Variants in MGAT4D observed in about 807,000 individuals in gnomAD.
MGAT4D encodes alpha-1,3-mannosyl-glycoprotein 4-beta-N-acetylglucosaminyltransferase-like protein MGAT4D.
A neutral mutation model predicts 15.9 loss-of-function variants in MGAT4D; 34 were observed. The observed-to-expected ratio is 2.14, with a 90% CI of 1.62 to 2.84. MGAT4D has a LOEUF of 2.84. MGAT4D is among the 30% of genes most tolerant of loss of function. The pLI, the probability that MGAT4D is intolerant of heterozygous loss-of-function variation, is 0.00. For missense variants in MGAT4D, 327 were observed against 140.2 expected, an observed-to-expected ratio of 2.33 and a Z score of -6.73; for synonymous variants, 112 against 48.2, an observed-to-expected ratio of 2.33 and a Z score of -5.49.
In MGAT4D at chr4:140,442,470, T is replaced by A. The variant is rs1468396328; in HGVS notation, c.*966A>T. The A allele has an allele frequency of 6.6e-6, 1 of 152,128 alleles. No individual in the cohort carries two copies. Among genetic ancestry groups the A allele is most frequent in the Non-Finnish European group, 1.5e-5 (1 of 68,000 alleles). The allele number at this position is 152,128 out of a possible 1,614,324, so 9.4% of individuals were successfully genotyped here. A position where few individuals can be genotyped will look rare whatever the true frequency, so the allele number is the denominator to read the frequency against. ...TAACATCAAGAAGAAAAATAGATTT[T>A]AATGGGCCCCTGTAGAAACTGATGG... is the stretch of plus-strand genomic sequence containing the variant. On this transcript the variant is annotated 3_prime_UTR_variant, in exon 11 of 11. Coordinates refer to ENST00000511113, the MANE Select transcript of MGAT4D (RefSeq NM_001277353.2).
chr4:140,495,165 G>A (rs766477360), intron 1 of MGAT4D, among the ~76,000 whole-genome samples: 2 of 152,062 alleles, frequency 1.3e-5, no homozygotes, highest in Admixed American at 6.6e-5. Context: ...AGATTCCACC[G>A]CAGGGCCTTT....
intron 8 of MGAT4D, chr4:140,457,667 A>G (rs1033673652): frequency 7.2e-5 from 11 of 152,322 alleles, no homozygotes; most frequent in Non-Finnish European, 1.6e-4. Flanking sequence ...AAGATTTGGC[A>G]TCCCATAAAT....
Position 140,459,642 on chromosome 4 carries a change from CA to C in MGAT4D, c.763-17del. On this transcript the variant is annotated splice_polypyrimidine_tract_variant and intron_variant, in intron 7 of 10. Transcript: ENST00000511113. ...CATCTTCTAGCTGAAAAAAAAAACC[CA>C]AAAAGACATTAATATCTTTGACGCT... is the stretch of plus-strand genomic sequence containing the variant. 2.3e-6 allele frequency: 1 copy of C among 431,296 alleles called. No homozygotes were observed. The highest frequency in any genetic ancestry group is 4.1e-6 in the Non-Finnish European group (1 of 242,536). The allele number at this position is 431,296 out of a possible 1,614,324, so 26.7% of individuals were successfully genotyped here.
intron 8 of MGAT4D, 107 bp downstream of exon 8, chr4:140,459,405 T>C: frequency 5.6e-6 from 2 of 359,654 alleles, no homozygotes; most frequent in East Asian, 3.9e-5. Context: ...ATAAAAATCA[T>C]GCCATTCTTT....
At chr4:140,491,202 G>C (rs190103028) in intron 1 of MGAT4D, among the ~76,000 whole-genome samples, 1 of 152,086 alleles carries the variant, frequency 6.6e-6, no homozygotes, top group African/African-American at 2.4e-5. Flanking sequence ...TTACAGCTGC[G>C]TCTGAGAACT....
intron 5 of MGAT4D, among the ~76,000 whole-genome samples, chr4:140,467,264 G>A (rs1167261458): frequency 3.9e-5 from 6 of 151,974 alleles, no homozygotes; most frequent in Admixed American, 3.9e-4. Context: ...AAAAAAGAAT[G>A]GAGAGTTTGG....
intron 5 of MGAT4D, among the ~76,000 whole-genome samples, chr4:140,466,080 C>T (rs1481704760): frequency 6.6e-6 from 1 of 152,104 alleles, no homozygotes; most frequent in Non-Finnish European, 1.5e-5. Context: ...GTTGTCTTGC[C>T]TCGCCTCCCA....
chr4:140,495,911 T>A (rs1348486143), intron 1 of MGAT4D, among the ~76,000 whole-genome samples: 1 of 152,054 alleles, frequency 6.6e-6, no homozygotes, highest in Admixed American at 6.6e-5. Flanking sequence ...ATTTTTGTAT[T>A]TTTAGTAGAG....
chr4:140,489,433 T>C (rs1156572221), intron 1 of MGAT4D, among the ~76,000 whole-genome samples: 84 of 152,116 alleles, frequency 5.5e-4, no homozygotes, highest in Non-Finnish European at 4.4e-5. Context: ...TGAACATCCA[T>C]GAACCCATCA....
At chr4:140,473,868 ATT>A (rs3086801) in intron 4 of MGAT4D, among the ~76,000 whole-genome samples, 3 of 147,194 alleles carry the variant, frequency 2.0e-5, no homozygotes, top group Non-Finnish European at 4.5e-5. Flanking sequence ...CTAGCTAAGC[ATT>A]TTTTTTTTTT....
rs923667700 is a variant in MGAT4D, at chr4:140,480,786, C to T, written c.254-1159G>A. On this transcript the variant is annotated intron_variant, in intron 2 of 10. Transcript: ENST00000511113. The stretch of plus-strand genomic sequence containing the variant: ...ACACACACACACACACACACACACA[C>T]GCAGTGGGGCATAGTGGCATGCGCC... Among the ~76,000 whole-genome samples, 17 of 133,286 alleles carry T rather than the reference C, an allele frequency of 1.3e-4. No homozygotes were observed. The East Asian group carries it at 3.4e-3, about 26-fold the overall frequency. 87.4% of individuals were successfully genotyped at this position (133,286 alleles called of 152,430 possible).
intron 6 of MGAT4D, among the ~76,000 whole-genome samples, chr4:140,464,167 C>T (rs1731375329): frequency 6.6e-6 from 1 of 152,176 alleles, no homozygotes; most frequent in Admixed American, 6.5e-5. Context: ...GATTCTGACA[C>T]ACCATTTATA....
chr4:140,478,441 G>A (rs1459493166), intron 3 of MGAT4D, among the ~76,000 whole-genome samples: 1 of 152,056 alleles, frequency 6.6e-6, no homozygotes, highest in African/African-American at 2.4e-5. Context: ...ATAAACTACA[G>A]CTTTTGTCTA....
chr4:140,450,890 C>A (rs1730429092), intron 10 of MGAT4D, among the ~76,000 whole-genome samples: 1 of 152,070 alleles, frequency 6.6e-6, no homozygotes. Context: ...CTTGTTTCTT[C>A]TACTACACTA....
At chr4:140,470,122 C>G (rs957435918) in intron 5 of MGAT4D, among the ~76,000 whole-genome samples, 36 of 152,352 alleles carry the variant, frequency 2.4e-4, no homozygotes, top group African/African-American at 7.9e-4. Context: ...CCTCTCCTTC[C>G]CGCTGCTGTG....
chr4:140,496,972 A>G (rs1350953893), intron 1 of MGAT4D, among the ~76,000 whole-genome samples: 1 of 152,232 alleles, frequency 6.6e-6, no homozygotes, highest in Non-Finnish European at 1.5e-5. Flanking sequence ...GAAAATGAAG[A>G]GGAGGGAAAC....
chr4:140,459,887 C>G (rs1731058340), intron 7 of MGAT4D, among the ~76,000 whole-genome samples: 1 of 148,752 alleles, frequency 6.7e-6, no homozygotes, highest in South Asian at 2.1e-4. Flanking sequence ...CACGTGCCAC[C>G]ATGTCTGGCT....
intron 5 of MGAT4D, among the ~76,000 whole-genome samples, chr4:140,465,703 T>G (rs1042629393): frequency 6.6e-6 from 1 of 152,346 alleles, no homozygotes; most frequent in Admixed American, 6.5e-5. Context: ...TATTAACATG[T>G]TAAAGGTTCA....
chr4:140,465,194 C>G (rs906577204), intron 5 of MGAT4D, among the ~76,000 whole-genome samples, 185 bp from the exon 6 acceptor site: 1 of 152,080 alleles, frequency 6.6e-6, no homozygotes, highest in Non-Finnish European at 1.5e-5. Flanking sequence ...TAATAACAGA[C>G]ATATTAAAAT....
Sources: allele counts gnomAD v4.1 joint callset (sites outside exome capture counted in the v4.1 genomes callset), GRCh38; gene constraint gnomAD v4.1.1; transcripts MANE v1.5; gene names NCBI Gene and HGNC (gene_info 2026-07-23, HGNC 2026-07-21).